NAA11: variants seen among roughly 807,000 people sequenced by gnomAD.
NAA11 encodes N-alpha-acetyltransferase 11, NatA catalytic subunit, also known as N-alpha-acetyltransferase 11.
NAA11 carries 15 observed loss-of-function variants against 16.1 expected under a neutral mutation model. The observed-to-expected ratio is 0.93, with a 90% CI of 0.62 to 1.44. The LOEUF (loss-of-function observed/expected upper bound fraction) is 1.44, where lower values mean the gene tolerates loss of function less well. Ranked by LOEUF, NAA11 falls within the 40% of genes most tolerant of loss-of-function variation. The pLI, the probability that NAA11 is intolerant of heterozygous loss-of-function variation, is 0.00. For missense variants in NAA11, 298 were observed against 291.3 expected (o/e 1.02, Z -0.17); for synonymous variants, 122 against 112.4 (o/e 1.09, Z -0.54).
At chr4:79,185,290 A>C in the NAA11 span, among the ~76,000 whole-genome samples, 1 of 152,338 alleles carries the variant, frequency 6.6e-6, no homozygotes, top group South Asian at 2.1e-4. Flanking sequence ...CTTTCACAGA[A>C]CACACAATGC....
At chr4:79,309,528 T>C (rs2110009360) in intron 1 of NAA11, among the ~76,000 whole-genome samples, 1 of 152,286 alleles carries the variant, frequency 6.6e-6, no homozygotes, top group South Asian at 2.1e-4. Context: ...TATTTACCTG[T>C]GCCTCTTATT....
At chr4:79,192,287 T>A in the NAA11 span, among the ~76,000 whole-genome samples, 1 of 151,964 alleles carries the variant, frequency 6.6e-6, no homozygotes, top group African/African-American at 2.4e-5. Flanking sequence ...TGCAGGTTTG[T>A]TACATATGTA....
At chr4:79,207,278 T>C in the NAA11 span, among the ~76,000 whole-genome samples, 1 of 151,676 alleles carries the variant, frequency 6.6e-6, no homozygotes, top group African/African-American at 2.4e-5. Context: ...ATTTGCATTG[T>C]TTTTTAATCC....
At chr4:79,312,646 CAAAAAAAAAAAAA>C (rs544315352), downstream of NAA11, among the ~76,000 whole-genome samples, 8 of 69,420 alleles carry the variant, frequency 1.2e-4, no homozygotes, top group African/African-American at 4.9e-4. Flanking sequence ...GACTCCATCT[CAAAAAAAAAAAAA>C]AAAAAAAAAA....
intron 2 of NAA11, among the ~76,000 whole-genome samples, chr4:79,289,165 T>C (rs1467746193): frequency 6.6e-5 from 10 of 152,234 alleles, no homozygotes; most frequent in Non-Finnish European, 2.9e-5. Flanking sequence ...CATTGCCAAG[T>C]TGTCCTCCAG....
the NAA11 span, among the ~76,000 whole-genome samples, chr4:79,178,572 T>A: frequency 6.6e-6 from 1 of 152,232 alleles, no homozygotes; most frequent in African/African-American, 2.4e-5. Flanking sequence ...GTGCTTTATG[T>A]CCTGTGTTAG....
intron 2 of NAA11, among the ~76,000 whole-genome samples, chr4:79,236,588 GA>G (rs1270020975): frequency 6.6e-6 from 1 of 151,864 alleles, no homozygotes; most frequent in South Asian, 2.1e-4. Context: ...TTTTTAATTT[GA>G]AAAAAATTTA....
chr4:79,283,015 G>C (rs917919542), intron 2 of NAA11, among the ~76,000 whole-genome samples: 9 of 152,008 alleles, frequency 5.9e-5, no homozygotes, highest in African/African-American at 2.2e-4. Context: ...AGGACAGAAG[G>C]GTTCACCATG....
At position 79,325,870 on chromosome 4, in the gene NAA11, A is replaced by G. The variant is rs775270448; in HGVS notation, c.8T>C (p.Ile3Thr). 1.9e-6 allele frequency: 3 copies of G among 1,606,602 alleles called. No individual in the cohort carries two copies. The highest frequency in any genetic ancestry group is 1.1e-5 in the South Asian group (1 of 89,780). Residue 3 changes from isoleucine to threonine, a missense_variant, in exon 1 of 2, where the codon ATC becomes ACC. Coordinates refer to ENST00000286794, the MANE Select transcript of NAA11 (RefSeq NM_032693.3). MNIRNAQPDDLMN... is the reference protein window; with the variant it reads MNTRNAQPDDLMN... ...CAGGTCGTCTGGCTGAGCGTTGCGG[A>G]TGTTCATAATGGCAGAGGGTAGGGA...
At chr4:79,274,075 G>A (rs748142556) in intron 2 of NAA11, among the ~76,000 whole-genome samples, 1 of 152,064 alleles carries the variant, frequency 6.6e-6, no homozygotes, top group Non-Finnish European at 1.5e-5. Flanking sequence ...ACTTGTGATG[G>A]TGACCAGGTG....
chr4:79,180,835 A>G, the NAA11 span, among the ~76,000 whole-genome samples: 148,767 of 152,242 alleles, frequency 0.98, 72,778 homozygotes, highest in East Asian at 1. Context: ...CAACCCAAAT[A>G]TCCGTCAATG....
intron 2 of NAA11, among the ~76,000 whole-genome samples, chr4:79,286,523 C>A (rs1386057245): frequency 6.6e-6 from 1 of 152,034 alleles, no homozygotes; most frequent in Non-Finnish European, 1.5e-5. Flanking sequence ...TTTTTAATAT[C>A]TGAATCATAT....
At chr4:79,253,296 C>T (rs1385957970) in intron 2 of NAA11, among the ~76,000 whole-genome samples, 1 of 152,102 alleles carries the variant, frequency 6.6e-6, no homozygotes, top group African/African-American at 2.4e-5. Context: ...ATCAAATAGG[C>T]AGTTGAATAT....
At chr4:79,295,421 G>A (rs192633531) in intron 1 of NAA11, among the ~76,000 whole-genome samples, 2 of 152,264 alleles carry the variant, frequency 1.3e-5, no homozygotes, top group East Asian at 3.9e-4. Context: ...TATTTAGGTT[G>A]ATAAATAGAA....
chr4:79,201,868 AT>A, the NAA11 span, among the ~76,000 whole-genome samples: 6 of 151,788 alleles, frequency 4.0e-5, no homozygotes, highest in African/African-American at 1.4e-4. Flanking sequence ...TATCAAAAAA[AT>A]AACTTCAACT....
the NAA11 span, among the ~76,000 whole-genome samples, chr4:79,161,465 A>C: frequency 6.6e-6 from 1 of 152,282 alleles, no homozygotes; most frequent in African/African-American, 2.4e-5. Context: ...TGAAACCCCC[A>C]AATTTATTTT....
chr4:79,208,932 A>AAAAAAC, the NAA11 span, among the ~76,000 whole-genome samples: 3 of 146,310 alleles, frequency 2.1e-5, no homozygotes, highest in Non-Finnish European at 4.5e-5. Flanking sequence ...TGCCAAAAAA[A>AAAAAAC]AAAAAAAAAA....
intron 2 of NAA11, among the ~76,000 whole-genome samples, chr4:79,293,027 T>C (rs1458396338): frequency 6.6e-6 from 1 of 152,184 alleles, no homozygotes; most frequent in Admixed American, 6.5e-5. Context: ...GTTGTCTATA[T>C]TGATGAAATA....
the NAA11 span, among the ~76,000 whole-genome samples, chr4:79,177,116 T>C: frequency 1.3e-5 from 2 of 152,102 alleles, no homozygotes; most frequent in Non-Finnish European, 2.9e-5. Flanking sequence ...TTATAAAATA[T>C]GAACACTCTA....
Sources: gnomAD v4.1 joint callset for allele counts (sites outside exome capture counted in the v4.1 genomes callset) on GRCh38, gnomAD v4.1.1 for gene constraint, MANE v1.5 for transcripts, NCBI Gene and HGNC (gene_info 2026-07-23, HGNC 2026-07-21) for gene names.